Variants in TFRC observed in about 807,000 individuals in gnomAD.
TFRC encodes transferrin receptor, also known as transferrin receptor protein 1.
Under a neutral mutation model 85.8 loss-of-function variants are expected in TFRC, and 35 were observed. The ratio of observed to expected loss-of-function variants is 0.41; its 90% confidence interval spans 0.31 to 0.54. TFRC has a LOEUF of 0.54. TFRC is among the 20% of genes least tolerant of loss of function. The pLI is 0.31. For missense variants in TFRC, 828 were observed against 921.5 expected (o/e 0.90, Z 1.31); for synonymous variants, 362 against 328.6 (o/e 1.10, Z -1.10).
Position 196,050,688 on chromosome 3 carries a change from G to A in TFRC, c.*1254C>T, listed in dbSNP as rs1341932692. On this transcript the variant is annotated 3_prime_UTR_variant, in exon 19 of 19. Transcript: ENST00000360110. ...TGGATAAACTGAGCTATAAAATTTT[G>A]CAGGAGTACTACCACAGCCTTTAAG... 2 of 204,686 alleles carry A rather than the reference G, an allele frequency of 9.8e-6. No individual in the cohort carries two copies. Among genetic ancestry groups the A allele is most frequent in the Non-Finnish European group, 2.0e-5 (2 of 99,744 alleles). The allele number at this position is 204,686 out of a possible 1,614,324, so 12.7% of individuals were successfully genotyped here.
chr3:196,059,229 G>A (rs985425984), intron 14 of TFRC, among the ~76,000 whole-genome samples: 3 of 152,078 alleles, frequency 2.0e-5, no homozygotes, highest in Non-Finnish European at 4.4e-5. Context: ...CAGGAGAATC[G>A]CTTGAACCCA....
At position 196,050,694 on chromosome 3, in the gene TFRC, G is replaced by C; in HGVS notation, c.*1248C>G. The C allele has an allele frequency of 4.9e-6, 1 of 204,944 alleles. No homozygotes were observed. The allele number at this position is 204,944 out of a possible 1,614,324, so 12.7% of individuals were successfully genotyped here. A position where few individuals can be genotyped will look rare whatever the true frequency, so the allele number is the denominator to read the frequency against. On this transcript the variant is annotated 3_prime_UTR_variant, in exon 19 of 19. Coordinates refer to ENST00000360110, the MANE Select transcript of TFRC (RefSeq NM_001128148.3). ...AACTGAGCTATAAAATTTTGCAGGAGTACTACCACAGCCTTTAAGTGACAT... is the reference window on the plus strand; with the variant it reads ...AACTGAGCTATAAAATTTTGCAGGACTACTACCACAGCCTTTAAGTGACAT...
At chr3:196,063,679 T>G (rs1450517743) in intron 11 of TFRC, among the ~76,000 whole-genome samples, 1 of 152,068 alleles carries the variant, frequency 6.6e-6, no homozygotes, top group Non-Finnish European at 1.5e-5. Flanking sequence ...TAGCAGCATT[T>G]TGGGAGGCTG....
chr3:196,049,811 T>C lies in TFRC; in HGVS notation c.*2131A>G, dbSNP rs1716162954. 4.3e-6 allele frequency: 1 copy of C among 230,414 alleles called. No individual in the cohort carries two copies. The highest frequency in any genetic ancestry group is 2.2e-5 in the African/African-American group (1 of 45,192). 14.3% of individuals were successfully genotyped at this position (230,414 alleles called of 1,614,324 possible). A position where few individuals can be genotyped will look rare whatever the true frequency, so the allele number is the denominator to read the frequency against. On this transcript the variant is annotated 3_prime_UTR_variant, in exon 19 of 19. Coordinates refer to ENST00000360110, the MANE Select transcript of TFRC (RefSeq NM_001128148.3). The stretch of plus-strand genomic sequence containing the variant: ...CCAAGATAAAAGAGGAGATTAAAGA[T>C]AAAACTGAAGATTAAAGAGACTGTG...
In TFRC at chr3:196,068,073, T is replaced by C. The variant is rs1449014682; in HGVS notation, c.859A>G (p.Lys287Glu). 2 of 1,613,404 alleles carry C rather than the reference T, an allele frequency of 1.2e-6. No individual in the cohort carries two copies. Among genetic ancestry groups the C allele is most frequent in the Admixed American group, 1.7e-5 (1 of 59,872 alleles). ...IGVLIYMDQT[K>E]FPIVNAELSF... ...AGTTCTGCGTTAACAATGGGAAATT[T>C]AGTCTGGTCCATGTATATCAACACA... Residue 287 changes from lysine to glutamate, a missense_variant, in exon 8 of 19, where the codon AAA (lysine) becomes GAA (glutamate). Physicochemically the swap from Lys to Glu is moderately conservative, Grantham distance 56 (BLOSUM62 1). Coordinates refer to ENST00000360110, the MANE Select transcript of TFRC (RefSeq NM_001128148.3).
In TFRC at chr3:196,075,337, A is replaced by G. The variant is rs1304122029; in HGVS notation, c.60T>C (p.Tyr20=). The change falls in exon 3 of 19, where the codon TAT becomes TAC. Residue 20 remains tyrosine (Y), a synonymous_variant. Coordinates refer to ENST00000360110, the MANE Select transcript of TFRC (RefSeq NM_001128148.3). Reference sequence around the variant, plus strand: ...CTTGCCGAGCCAGGCTGAACCGGGTATATGACAATGGTTCTCCACCAAACT... The same window carrying G: ...CTTGCCGAGCCAGGCTGAACCGGGTGTATGACAATGGTTCTCCACCAAACT... ...SNLFGGEPLS[Y]TRFSLARQVD... 10 of 1,614,066 alleles carry G rather than the reference A, an allele frequency of 6.2e-6. No homozygotes were observed. Among genetic ancestry groups the G allele is most frequent in the Non-Finnish European group, 8.5e-6 (10 of 1,180,038 alleles).
At chr3:196,068,579 C>A (rs1391178002) in intron 7 of TFRC, among the ~76,000 whole-genome samples, 1 of 133,466 alleles carries the variant, frequency 7.5e-6, no homozygotes, top group African/African-American at 2.9e-5. Context: ...CCACTGCACT[C>A]CAGCCTGGAC....
Position 196,052,292 on chromosome 3 carries a change from CT to C in TFRC, c.2041-109del, listed in dbSNP as rs529214594. 47,322 of 535,582 alleles carry C rather than the reference CT, an allele frequency of 0.088. 75 individuals are homozygous for C. The highest frequency in any genetic ancestry group is 0.17 in the East Asian group (3,762 of 22,772). The allele number at this position is 535,582 out of a possible 1,614,324, so 33.2% of individuals were successfully genotyped here. A position where few individuals can be genotyped will look rare whatever the true frequency, so the allele number is the denominator to read the frequency against. ...CCCAAATTTAAGAATGCCGATCAGACTTTTTTTTTTTTTTTTTTTTTTTGAC... is the reference window on the plus strand; with the variant it reads ...CCCAAATTTAAGAATGCCGATCAGACTTTTTTTTTTTTTTTTTTTTTTGAC... On this transcript the variant is annotated intron_variant, in intron 18 of 18. Transcript: ENST00000360110.
intron 1 of TFRC, among the ~76,000 whole-genome samples, chr3:196,078,086 A>G (rs1463040197): frequency 6.6e-6 from 1 of 152,200 alleles, no homozygotes; most frequent in Non-Finnish European, 1.5e-5. Context: ...ATTAACCTTA[A>G]CTTTTGTCAA....
intron 1 of TFRC, among the ~76,000 whole-genome samples, chr3:196,078,777 C>A (rs919821626): frequency 6.8e-6 from 1 of 147,888 alleles, no homozygotes; most frequent in African/African-American, 2.5e-5. Flanking sequence ...GAAGCATAAT[C>A]TTTTTTTTTT....
chr3:196,060,797 C>CAAAAAAAAAA lies in TFRC; in HGVS notation c.1469-560_1469-551dup, dbSNP rs1173946134. On this transcript the variant is annotated intron_variant, in intron 13 of 18. Transcript: ENST00000360110. ...TGGGTGACAAAGCGAGACTCCATCT[C>CAAAAAAAAAA]AAAAAAAAAAAAAAAAAAAAAAAAA... is the stretch of plus-strand genomic sequence containing the variant. 1.9e-4 allele frequency among the ~76,000 whole-genome samples: 7 copies of CAAAAAAAAAA among 36,942 alleles called. 1 individual carries two copies. Among genetic ancestry groups the CAAAAAAAAAA allele is most frequent in the Admixed American group, 8.7e-4 (2 of 2,306 alleles). 24.2% of individuals were successfully genotyped at this position (36,942 alleles called of 152,430 possible). A position where few individuals can be genotyped will look rare whatever the true frequency, so the allele number is the denominator to read the frequency against.
At chr3:196,077,205 A>G in intron 1 of TFRC, 83 bp from the exon 2 acceptor site, 1 of 954,082 alleles carries the variant, frequency 1.0e-6, no homozygotes, top group Non-Finnish European at 1.6e-6. Flanking sequence ...TAAATGATAC[A>G]TTAAATTTTT....
chr3:196,065,440 T>C lies in TFRC; in HGVS notation c.1198+3A>G, dbSNP rs755180119. ...GGCGGGGGGGGGGGGGGGCGGTCTTTACCTGGTTCTACAAAGCCTTTAATA... is the reference window on the plus strand; with the variant it reads ...GGCGGGGGGGGGGGGGGGCGGTCTTCACCTGGTTCTACAAAGCCTTTAATA... On this transcript the variant is annotated splice_donor_region_variant and intron_variant, in intron 10 of 18. Coordinates refer to ENST00000360110, the MANE Select transcript of TFRC (RefSeq NM_001128148.3). 3 of 750,428 alleles carry C rather than the reference T, an allele frequency of 4.0e-6. No homozygotes were observed. The highest frequency in any genetic ancestry group is 4.4e-5 in the East Asian group (1 of 22,944). The allele number at this position is 750,428 out of a possible 1,614,324, so 46.5% of individuals were successfully genotyped here. A position where few individuals can be genotyped will look rare whatever the true frequency, so the allele number is the denominator to read the frequency against.
intron 16 of TFRC, among the ~76,000 whole-genome samples, chr3:196,057,449 C>T (rs543946906): frequency 2.6e-5 from 4 of 152,264 alleles, no homozygotes; most frequent in Non-Finnish European, 4.4e-5. Flanking sequence ...TTTTTGGAGA[C>T]GTGAGTCTTG....
At position 196,053,453 on chromosome 3, in the gene TFRC, A is replaced by G; in HGVS notation, c.2005T>C (p.Phe669Leu). 2.5e-6 allele frequency: 4 copies of G among 1,614,172 alleles called. No homozygotes were observed. The highest frequency in any genetic ancestry group is 3.4e-6 in the Non-Finnish European group (4 of 1,180,024). ...CGATCATTGAGTTTCTTCATGACAA[A>G]TCTGTCTGTTTTCTCAGCATTCCCG... ...DFGNAEKTDR[F>L]VMKKLNDRVM... The change falls in exon 18 of 19, where the codon TTT becomes CTT. Residue 669 changes from phenylalanine (F) to leucine (L), a missense_variant. Physicochemically the swap from Phe to Leu is conservative, Grantham distance 22. Coordinates refer to ENST00000360110, the MANE Select transcript of TFRC (RefSeq NM_001128148.3).
At chr3:196,079,856 G>A (rs1426783106) in intron 1 of TFRC, among the ~76,000 whole-genome samples, 2 of 152,130 alleles carry the variant, frequency 1.3e-5, no homozygotes, top group Admixed American at 1.3e-4. Context: ...ATTCTTCTCT[G>A]TTCCTTGAGG....
intron 17 of TFRC, among the ~76,000 whole-genome samples, chr3:196,054,536 A>G (rs1206599462): frequency 6.6e-6 from 1 of 152,250 alleles, no homozygotes; most frequent in African/African-American, 2.4e-5. Flanking sequence ...AGCTACTTTA[A>G]TATTAGTTTT....
intron 1 of TFRC, among the ~76,000 whole-genome samples, chr3:196,079,235 A>T (rs921063951): frequency 1.4e-4 from 21 of 152,204 alleles, no homozygotes; most frequent in Non-Finnish European, 2.1e-4. Flanking sequence ...ATCCTTTTCT[A>T]GGAAAAAACA....
intron 1 of TFRC, among the ~76,000 whole-genome samples, chr3:196,079,632 T>TA (rs774054088): frequency 1.8e-4 from 27 of 152,076 alleles, no homozygotes; most frequent in Middle Eastern, 6.8e-3. Context: ...AATAAATAAA[T>TA]AATAATCTAA....
Sources: allele counts gnomAD v4.1 joint callset (sites outside exome capture counted in the v4.1 genomes callset), GRCh38; gene constraint gnomAD v4.1.1; transcripts MANE v1.5; gene names NCBI Gene and HGNC (gene_info 2026-07-23, HGNC 2026-07-21).